Variants in MED27 observed in about 807,000 individuals in gnomAD.
MED27 encodes the protein mediator of RNA polymerase II transcription subunit 27.
MED27 carries 30 observed loss-of-function variants against 38.2 expected under a neutral mutation model. The observed-to-expected ratio is 0.79, with a 90% CI of 0.59 to 1.07. The LOEUF is 1.07. Ranked by LOEUF, MED27 falls within the 50% of genes least tolerant of loss-of-function variation. The pLI is 0.00. For missense variants in MED27, 289 were observed against 397.5 expected (o/e 0.73, Z 2.32); for synonymous variants, 122 against 153.5 (o/e 0.79, Z 1.52).
intron 2 of MED27, among the ~76,000 whole-genome samples, chr9:132,064,027 A>G (rs1389302222): frequency 6.6e-6 from 1 of 152,216 alleles, no homozygotes; most frequent in Non-Finnish European, 1.5e-5. Flanking sequence ...CTCCTCACTA[A>G]GACATCAAGA....
At chr9:131,971,584 G>A (rs1466895728) in intron 3 of MED27, among the ~76,000 whole-genome samples, 1 of 152,236 alleles carries the variant, frequency 6.6e-6, no homozygotes, top group Non-Finnish European at 1.5e-5. Context: ...GTCCAGTGAG[G>A]AGACCTTGGC....
intron 3 of MED27, among the ~76,000 whole-genome samples, chr9:131,947,295 C>G (rs546174827): frequency 6.6e-6 from 1 of 152,296 alleles, no homozygotes; most frequent in African/African-American, 2.4e-5. Flanking sequence ...AAGAAAGCTG[C>G]AGAGCTCCTT....
At chr9:131,972,577 A>G (rs1179026283) in intron 3 of MED27, among the ~76,000 whole-genome samples, 1 of 152,230 alleles carries the variant, frequency 6.6e-6, no homozygotes, top group Non-Finnish European at 1.5e-5. Context: ...GAATGAATGA[A>G]TGAGTATTAA....
At chr9:132,064,213 G>T (rs1833759990) in intron 2 of MED27, among the ~76,000 whole-genome samples, 1 of 152,160 alleles carries the variant, frequency 6.6e-6, no homozygotes. Flanking sequence ...AAGAGCAGGT[G>T]GGTGATCGGA....
chr9:131,897,536 T>C (rs981503856), intron 4 of MED27, among the ~76,000 whole-genome samples: 1 of 152,214 alleles, frequency 6.6e-6, no homozygotes, highest in Non-Finnish European at 1.5e-5. Flanking sequence ...ATGGTTCTGC[T>C]TATGTGCTTT....
intron 3 of MED27, among the ~76,000 whole-genome samples, chr9:131,961,457 TAAAC>T (rs1831212551): frequency 6.6e-6 from 1 of 152,386 alleles, no homozygotes; most frequent in African/African-American, 2.4e-5. Flanking sequence ...TTTCTGTTGT[TAAAC>T]AACGTAAAGC....
chr9:131,865,260 G>A (rs1838717200), intron 6 of MED27, among the ~76,000 whole-genome samples: 1 of 152,148 alleles, frequency 6.6e-6, no homozygotes, highest in African/African-American at 2.4e-5. Context: ...TTGACAGACA[G>A]CTTTCTAAAA....
intron 6 of MED27, among the ~76,000 whole-genome samples, chr9:131,864,882 G>A (rs1369748550): frequency 3.3e-5 from 5 of 152,362 alleles, no homozygotes; most frequent in East Asian, 1.9e-4. Context: ...GAGGCCAGGC[G>A]TGGGAAGCAC....
At chr9:132,052,982 G>A (rs1833496752) in intron 2 of MED27, among the ~76,000 whole-genome samples, 1 of 152,154 alleles carries the variant, frequency 6.6e-6, no homozygotes, top group African/African-American at 2.4e-5. Flanking sequence ...GGCTGGGCGG[G>A]GTGGCTCATG....
At chr9:132,030,563 C>T (rs936970058) in intron 2 of MED27, among the ~76,000 whole-genome samples, 1 of 152,134 alleles carries the variant, frequency 6.6e-6, no homozygotes, top group Non-Finnish European at 1.5e-5. Context: ...ATACTAGAGA[C>T]CCAGAGACGT....
chr9:131,869,772 C>A (rs1451540916), intron 6 of MED27, among the ~76,000 whole-genome samples: 1 of 152,146 alleles, frequency 6.6e-6, no homozygotes, highest in East Asian at 1.9e-4. Context: ...CTGGGAGGCG[C>A]CTGGTTCACC....
At chr9:131,970,608 G>A (rs11788967) in intron 3 of MED27, among the ~76,000 whole-genome samples, 3,789 of 152,324 alleles carry the variant, frequency 0.025, 75 homozygotes, top group Non-Finnish European at 0.034. Flanking sequence ...ACTAACTGCT[G>A]CTTTGAAAAA....
chr9:131,884,547 T>C (rs1348484756), intron 5 of MED27, among the ~76,000 whole-genome samples: 1 of 152,120 alleles, frequency 6.6e-6, no homozygotes, highest in Non-Finnish European at 1.5e-5. Context: ...CAGAGAGGCA[T>C]TTCCCAGTTA....
At chr9:131,951,148 T>A (rs1433696126) in intron 3 of MED27, among the ~76,000 whole-genome samples, 1 of 152,120 alleles carries the variant, frequency 6.6e-6, no homozygotes, top group Non-Finnish European at 1.5e-5. Context: ...TCAGGACTCA[T>A]CCCCCAACCT....
intron 6 of MED27, among the ~76,000 whole-genome samples, chr9:131,868,357 C>A (rs946650726): frequency 5.3e-5 from 8 of 152,222 alleles, no homozygotes; most frequent in Non-Finnish European, 8.8e-5. Context: ...TAGCTCAGTG[C>A]AGCCTTGACC....
chr9:131,950,880 G>A (rs941865067), intron 3 of MED27, among the ~76,000 whole-genome samples: 5 of 152,326 alleles, frequency 3.3e-5, no homozygotes, highest in Admixed American at 2.6e-4. Context: ...GAGAAATAAA[G>A]ATCCCAGAGT....
intron 3 of MED27, among the ~76,000 whole-genome samples, chr9:131,973,702 G>A (rs1164496202): frequency 6.6e-6 from 1 of 151,642 alleles, no homozygotes; most frequent in African/African-American, 2.4e-5. Context: ...CTGAATTACT[G>A]TATTACTGGA....
At chr9:132,035,010 A>T (rs1266557690) in intron 2 of MED27, among the ~76,000 whole-genome samples, 3 of 152,196 alleles carry the variant, frequency 2.0e-5, no homozygotes, top group Non-Finnish European at 4.4e-5. Context: ...TAAACGGAAA[A>T]GACCAATCAA....
chr9:131,877,824 G>A (rs568027310), intron 6 of MED27, among the ~76,000 whole-genome samples: 16 of 152,250 alleles, frequency 1.1e-4, no homozygotes, highest in African/African-American at 3.1e-4. Flanking sequence ...GGTACTCCAC[G>A]TACCCACCAA....
Sources: allele counts gnomAD v4.1 joint callset (sites outside exome capture counted in the v4.1 genomes callset), GRCh38; gene constraint gnomAD v4.1.1; transcripts MANE v1.5; gene names NCBI Gene and HGNC (gene_info 2026-07-23, HGNC 2026-07-21).